KSR1: variants seen among roughly 807,000 people sequenced by gnomAD.
The protein encoded by KSR1 is kinase suppressor of ras 1.
KSR1 carries 35 observed loss-of-function variants against 92.9 expected under a neutral mutation model. The ratio of observed to expected loss-of-function variants is 0.38; its 90% CI spans 0.29 to 0.50. KSR1 has a LOEUF of 0.50. Among genes scored for constraint, KSR1 ranks in the 20% least tolerant of loss-of-function variants. The pLI, the probability that KSR1 is intolerant of heterozygous loss-of-function variation, is 0.94. For missense variants in KSR1, 972 were observed against 1,158.5 expected (o/e 0.84, Z 2.34); for synonymous variants, 467 against 472.6 (o/e 0.99, Z 0.15).
At chr17:27,616,495 TACAC>T (rs1045036158) in intron 18 of KSR1, among the ~76,000 whole-genome samples, 12 of 152,254 alleles carry the variant, frequency 7.9e-5, no homozygotes, top group African/African-American at 2.9e-4. Context: ...CACACAAATG[TACAC>T]ACACACACAT....
rs778571128 is a variant in KSR1, at chr17:27,550,624, C to T, written c.288C>T (p.Pro96=). Residue 96 remains proline, a synonymous_variant, in exon 2 of 21, where the codon CCC becomes CCT. Transcript: ENST00000644974. ...KQRQCKLSVA[P]GERTPELNSY... ...GGCAGTGCAAGCTGAGCGTGGCTCC[C>T]GGTGAGAGGACCCCAGAGCTCAACA... The T allele has an allele frequency of 1.8e-5, 14 of 764,546 alleles. No individual in the cohort carries two copies. Among genetic ancestry groups the T allele is most frequent in the Non-Finnish European group, 2.6e-5 (11 of 417,900 alleles). The allele number at this position is 764,546 out of a possible 1,614,324, so 47.4% of individuals were successfully genotyped here.
intron 1 of KSR1, among the ~76,000 whole-genome samples, chr17:27,470,037 A>G (rs1331052967): frequency 2.3e-5 from 3 of 128,952 alleles, no homozygotes; most frequent in Non-Finnish European, 4.8e-5. Context: ...TGTGTGTGTT[A>G]AGACTTGCCA....
chr17:27,551,034 A>G (rs957336544), intron 2 of KSR1, among the ~76,000 whole-genome samples: 13 of 152,240 alleles, frequency 8.5e-5, no homozygotes, highest in African/African-American at 1.7e-4. Context: ...GTTTTGTAAG[A>G]TAGATAATCT....
At chr17:27,603,407 CATT>C (rs1392554454) in intron 11 of KSR1, among the ~76,000 whole-genome samples, 2 of 152,374 alleles carry the variant, frequency 1.3e-5, no homozygotes, top group East Asian at 3.9e-4. Context: ...GAGGGAATCT[CATT>C]AGTTTCAAGG....
chr17:27,547,555 A>G (rs1371220730), intron 1 of KSR1, among the ~76,000 whole-genome samples: 1 of 152,202 alleles, frequency 6.6e-6, no homozygotes, highest in East Asian at 1.9e-4. Flanking sequence ...TATTAGATGC[A>G]CTGTTGGATG....
intron 1 of KSR1, among the ~76,000 whole-genome samples, chr17:27,533,660 G>A (rs2945383): frequency 0.25 from 37,429 of 152,050 alleles, 4,861 homozygotes; most frequent in Admixed American, 0.35. Flanking sequence ...GGGATTACAG[G>A]TGTGAGCCCC....
chr17:27,542,998 A>G (rs2071023277), intron 1 of KSR1, among the ~76,000 whole-genome samples: 1 of 152,206 alleles, frequency 6.6e-6, no homozygotes, highest in Non-Finnish European at 1.5e-5. Flanking sequence ...AATGGTAGGC[A>G]TGACCTCTGA....
intron 1 of KSR1, among the ~76,000 whole-genome samples, chr17:27,510,314 G>A (rs1186255590): frequency 2.6e-5 from 4 of 151,554 alleles, no homozygotes; most frequent in Admixed American, 6.6e-5. Flanking sequence ...CCTCTGGCAC[G>A]TCACTTCACC....
intron 19 of KSR1, among the ~76,000 whole-genome samples, chr17:27,619,781 CGACTCACT>C (rs1437020556): frequency 1.3e-5 from 2 of 151,950 alleles, no homozygotes; most frequent in Non-Finnish European, 2.9e-5. Flanking sequence ...GGTGCAATCT[CGACTCACT>C]GCAACCTCCG....
intron 1 of KSR1, among the ~76,000 whole-genome samples, chr17:27,537,581 C>T (rs371378370): frequency 5.9e-5 from 9 of 152,210 alleles, no homozygotes; most frequent in African/African-American, 2.2e-4. Flanking sequence ...ATCGCAGCTA[C>T]TTGGGAGGCT....
chr17:27,481,691 G>A (rs540240640), intron 1 of KSR1, among the ~76,000 whole-genome samples: 1 of 152,134 alleles, frequency 6.6e-6, no homozygotes, highest in Non-Finnish European at 1.5e-5. Flanking sequence ...CAGCTTCAGG[G>A]GGTGCAGTGG....
chr17:27,506,182 G>A (rs1018636839), intron 1 of KSR1, among the ~76,000 whole-genome samples: 1 of 152,194 alleles, frequency 6.6e-6, no homozygotes, highest in African/African-American at 2.4e-5. Context: ...AGGCAATAGT[G>A]TAGTAATAAG....
intron 1 of KSR1, among the ~76,000 whole-genome samples, chr17:27,500,060 G>A (rs1041727928): frequency 9.1e-4 from 138 of 152,310 alleles, no homozygotes; most frequent in African/African-American, 3.0e-3. Flanking sequence ...GGCGTCTGCC[G>A]TTCTGCGTTA....
chr17:27,611,299 C>G, intron 17 of KSR1, 195 bp from the exon 18 acceptor site: 1 of 620,900 alleles, frequency 1.6e-6, no homozygotes. Flanking sequence ...TCCCACCCAA[C>G]GAGAGCACAG....
At chr17:27,520,875 C>T (rs781512282) in intron 1 of KSR1, among the ~76,000 whole-genome samples, 17 of 152,234 alleles carry the variant, frequency 1.1e-4, no homozygotes, top group Non-Finnish European at 1.6e-4. Flanking sequence ...ATGCGGGAGA[C>T]GTGTGATTCC....
intron 1 of KSR1, among the ~76,000 whole-genome samples, chr17:27,494,992 C>A (rs1467649352): frequency 6.6e-6 from 1 of 152,204 alleles, no homozygotes; most frequent in Non-Finnish European, 1.5e-5. Context: ...AAGGGGCTCC[C>A]GGGCAGTGCG....
At chr17:27,535,068 T>TG (rs2070705833) in intron 1 of KSR1, among the ~76,000 whole-genome samples, 1 of 152,184 alleles carries the variant, frequency 6.6e-6, no homozygotes, top group Admixed American at 6.5e-5. Flanking sequence ...GGGTCACAGC[T>TG]GGGAGTGACC....
intron 1 of KSR1, among the ~76,000 whole-genome samples, chr17:27,463,560 T>C (rs1198948650): frequency 6.6e-6 from 1 of 152,008 alleles, no homozygotes; most frequent in Admixed American, 6.6e-5. Flanking sequence ...TGTGGTTGCT[T>C]GTGTCTGAGG....
At chr17:27,568,931 G>A (rs112291426) in intron 2 of KSR1, among the ~76,000 whole-genome samples, 3 of 152,082 alleles carry the variant, frequency 2.0e-5, no homozygotes, top group African/African-American at 2.4e-5. Context: ...TGTGCAGGGC[G>A]GGACTTTCTC....
Sources: gnomAD v4.1 joint callset for allele counts (sites outside exome capture counted in the v4.1 genomes callset) on GRCh38, gnomAD v4.1.1 for gene constraint, MANE v1.5 for transcripts, NCBI Gene and HGNC (gene_info 2026-07-23, HGNC 2026-07-21) for gene names.